THSD7B: variants seen among roughly 807,000 people sequenced by gnomAD.
THSD7B encodes the protein thrombospondin type 1 domain containing 7B.
THSD7B carries 138 observed loss-of-function variants against 213.6 expected under a neutral mutation model. The observed-to-expected ratio is 0.65, with a 90% CI of 0.56 to 0.74. The LOEUF is 0.74. Ranked by LOEUF, THSD7B falls within the 30% of genes least tolerant of loss-of-function variation. THSD7B has a pLI of 0.00. For synonymous variants in THSD7B, 742 were observed against 687.0 expected (o/e 1.08, Z -1.25); for missense variants, 1,931 against 1,991.5 (o/e 0.97, Z 0.58).
At chr2:136,963,109 G>A (rs1558868987) in intron 2 of THSD7B, among the ~76,000 whole-genome samples, 1 of 152,142 alleles carries the variant, frequency 6.6e-6, no homozygotes, top group Non-Finnish European at 1.5e-5. Context: ...TTAAAACAAT[G>A]TAACAAGGCC....
intron 17 of THSD7B, among the ~76,000 whole-genome samples, chr2:137,613,439 C>CA (rs1573743453): frequency 6.6e-6 from 1 of 152,026 alleles, no homozygotes; most frequent in Admixed American, 6.6e-5. Context: ...CTAGAGATAA[C>CA]AAAATACGTG....
At chr2:137,486,764 G>T (rs1281241066) in intron 15 of THSD7B, among the ~76,000 whole-genome samples, 2 of 152,142 alleles carry the variant, frequency 1.3e-5, no homozygotes, top group Non-Finnish European at 2.9e-5. Flanking sequence ...CTCAGCAAAT[G>T]TAAAAGAACA....
At chr2:137,121,099 G>A (rs1688538516) in intron 5 of THSD7B, among the ~76,000 whole-genome samples, 1 of 152,140 alleles carries the variant, frequency 6.6e-6, no homozygotes, top group African/African-American at 2.4e-5. Context: ...ACTTATCTTA[G>A]TGTGATATAG....
chr2:137,323,426 A>G (rs2104882220), intron 12 of THSD7B, among the ~76,000 whole-genome samples: 1 of 152,280 alleles, frequency 6.6e-6, no homozygotes, highest in Admixed American at 6.5e-5. Flanking sequence ...ATTGACCAAC[A>G]TCATAACCTT....
chr2:137,039,033 G>T (rs1686829275), intron 2 of THSD7B, among the ~76,000 whole-genome samples: 1 of 152,140 alleles, frequency 6.6e-6, no homozygotes, highest in African/African-American at 2.4e-5. Flanking sequence ...TTCTTTATTT[G>T]AAGATGAATA....
rs74266381 is a variant in THSD7B, at chr2:137,091,453, G to A, written c.951-3420G>A. On this transcript the variant is annotated intron_variant, in intron 3 of 27. Coordinates refer to ENST00000409968, the MANE Select transcript of THSD7B (RefSeq NM_001316349.2). ...TCTGCATTAGTTTGCTCGGGCTGTCGTAAGAAGTTCCACAAACTTGCTGGG... is the reference window on the plus strand; with the variant it reads ...TCTGCATTAGTTTGCTCGGGCTGTCATAAGAAGTTCCACAAACTTGCTGGG... Among the ~76,000 whole-genome samples, 341 of 152,230 alleles carry A rather than the reference G, an allele frequency of 2.2e-3. 3 individuals carry two copies. The highest frequency in any genetic ancestry group is 0.014 in the East Asian group (72 of 5,184).
At chr2:137,448,032 T>C (rs1173606054) in intron 14 of THSD7B, among the ~76,000 whole-genome samples, 1 of 152,094 alleles carries the variant, frequency 6.6e-6, no homozygotes, top group Non-Finnish European at 1.5e-5. Flanking sequence ...AAGGAAGATG[T>C]GAGGAAGATG....
intron 12 of THSD7B, among the ~76,000 whole-genome samples, chr2:137,369,045 C>A (rs1273437645): frequency 1.4e-5 from 2 of 147,398 alleles, no homozygotes; most frequent in East Asian, 2.0e-4. Context: ...CACTTTCACA[C>A]CCAAGCCACT....
At chr2:137,559,339 C>A (rs1041993121) in intron 15 of THSD7B, among the ~76,000 whole-genome samples, 2 of 152,192 alleles carry the variant, frequency 1.3e-5, no homozygotes, top group Non-Finnish European at 2.9e-5. Context: ...GTAACCAAAA[C>A]AGCATGGTAC....
At chr2:137,184,555 A>G (rs1272346705) in intron 7 of THSD7B, among the ~76,000 whole-genome samples, 4 of 152,184 alleles carry the variant, frequency 2.6e-5, no homozygotes, top group Non-Finnish European at 2.9e-5. Flanking sequence ...TGAAATTTAT[A>G]TATCTAAAAA....
intron 14 of THSD7B, among the ~76,000 whole-genome samples, chr2:137,420,725 T>G (rs1686905377): frequency 6.6e-6 from 1 of 152,192 alleles, no homozygotes; most frequent in South Asian, 2.1e-4. Context: ...TAATTTTAAT[T>G]CACATATGTG....
intron 20 of THSD7B, among the ~76,000 whole-genome samples, chr2:137,638,219 G>T (rs1682868981): frequency 6.6e-6 from 1 of 152,176 alleles, no homozygotes; most frequent in South Asian, 2.1e-4. Flanking sequence ...AACTTGAATT[G>T]TATCTCCCAG....
chr2:137,666,214 C>T (rs1683443143), intron 26 of THSD7B, among the ~76,000 whole-genome samples: 2 of 151,992 alleles, frequency 1.3e-5, no homozygotes, highest in African/African-American at 4.8e-5. Flanking sequence ...CTGGATCCTC[C>T]CAATGCACCA....
At chr2:137,384,882 G>C (rs1685856865) in intron 12 of THSD7B, among the ~76,000 whole-genome samples, 1 of 152,170 alleles carries the variant, frequency 6.6e-6, no homozygotes, top group Non-Finnish European at 1.5e-5. Context: ...TCATCACATG[G>C]CCCCTACAAA....
rs143327857 is a variant in THSD7B at position 136,933,667 on chromosome 2, C to T, written c.139+51350C>T. ...TATTATTGATAGATTTTAATTGCAT[C>T]GCTATCTTTTTAATAATCAATCTCT... is the stretch of plus-strand genomic sequence containing the variant. On this transcript the variant is annotated intron_variant, in intron 2 of 27. Transcript: ENST00000409968. Among the ~76,000 whole-genome samples the T allele has an allele frequency of 8.3e-4, 121 of 145,144 alleles. 2 individuals are homozygous for T. The East Asian group carries it at 0.015, about 17-fold the overall frequency.
chr2:136,828,072 G>A (rs995258671), intron 1 of THSD7B, among the ~76,000 whole-genome samples: 2 of 151,882 alleles, frequency 1.3e-5, no homozygotes, highest in Non-Finnish European at 2.9e-5. Context: ...GAAGATTGGG[G>A]TATACTTTAC....
chr2:136,990,261 T>C (rs141837045), intron 2 of THSD7B, among the ~76,000 whole-genome samples: 1,893 of 152,332 alleles, frequency 0.012, 24 homozygotes, highest in Middle Eastern at 0.031. Context: ...TCTCATACAT[T>C]ATACTCATTT....
rs1271120862 is a variant in THSD7B, at chr2:137,421,020, ATTC to A, written c.2959+9156_2959+9158del. ...GCATCTGGCTTCAGTATCACATTGG[ATTC>A]TTCTTCTGCAGCAAACCTTTTGACT... On this transcript the variant is annotated intron_variant, in intron 14 of 27. Coordinates refer to ENST00000409968, the MANE Select transcript of THSD7B (RefSeq NM_001316349.2). Among the ~76,000 whole-genome samples the A allele has an allele frequency of 4.4e-5, 6 of 137,286 alleles. No individual in the cohort carries two copies. In the East Asian group the frequency reaches 6.7e-4, roughly 15 times the overall value. The allele number at this position is 137,286 out of a possible 152,430, so 90.1% of individuals were successfully genotyped here. A position where few individuals can be genotyped will look rare whatever the true frequency, so the allele number is the denominator to read the frequency against.
Position 136,934,700 on chromosome 2 carries a change from A to G in THSD7B, c.139+52383A>G, listed in dbSNP as rs118098921. 1.7e-3 allele frequency among the ~76,000 whole-genome samples: 266 copies of G among 152,296 alleles called. 4 individuals carry two copies. In the East Asian group the frequency reaches 0.046, roughly 26 times the overall value. On this transcript the variant is annotated intron_variant, in intron 2 of 27. Coordinates refer to ENST00000409968, the MANE Select transcript of THSD7B (RefSeq NM_001316349.2). ...TATGCACTAGGGAAAATTTATTACA[A>G]AAAGAAGAAATTATTGGCCATTGTC...
Sources: gnomAD v4.1 joint callset for allele counts (sites outside exome capture counted in the v4.1 genomes callset) on GRCh38, gnomAD v4.1.1 for gene constraint, MANE v1.5 for transcripts, NCBI Gene and HGNC (gene_info 2026-07-23, HGNC 2026-07-21) for gene names.